AIG1: variants seen among roughly 807,000 people sequenced by gnomAD.
AIG1 encodes androgen-induced gene 1 protein.
In AIG1, 23 loss-of-function variants were observed where a neutral mutation model predicts 31.4. The ratio of observed to expected loss-of-function variants is 0.73; its 90% confidence interval spans 0.53 to 1.04. The LOEUF (loss-of-function observed/expected upper bound fraction) is 1.04. Among genes scored for constraint, AIG1 ranks in the 50% least tolerant of loss-of-function variants. The pLI, the probability that AIG1 is intolerant of heterozygous loss-of-function variation, is 0.00. For missense variants in AIG1, 274 were observed against 295.0 expected (o/e 0.93, Z 0.52); for synonymous variants, 100 against 110.5 (o/e 0.90, Z 0.60).
intron 2 of AIG1, among the ~76,000 whole-genome samples, chr6:143,148,963 G>A (rs927507155): frequency 2.0e-5 from 3 of 152,074 alleles, no homozygotes; most frequent in Non-Finnish European, 4.4e-5. Context: ...GGAGCAATAG[G>A]CTACACCATC....
chr6:143,090,830 A>T (rs1779238752), intron 1 of AIG1, among the ~76,000 whole-genome samples: 2 of 152,108 alleles, frequency 1.3e-5, no homozygotes, highest in South Asian at 4.1e-4. Context: ...CTAAAATAGG[A>T]CACCTGTGAA....
chr6:143,277,218 T>TG (rs1000997455), intron 3 of AIG1, among the ~76,000 whole-genome samples: 73 of 152,258 alleles, frequency 4.8e-4, no homozygotes, highest in African/African-American at 1.1e-3. Context: ...TTTTGTTCTA[T>TG]GGGGGGGTGA....
At chr6:143,301,634 T>C (rs962699891) in intron 4 of AIG1, among the ~76,000 whole-genome samples, 1 of 152,168 alleles carries the variant, frequency 6.6e-6, no homozygotes, top group Admixed American at 6.5e-5. Flanking sequence ...AGCAAAGGTG[T>C]GGAGAAGGCC....
At chr6:143,337,526 TCTTTA>T (rs1283792572) in intron 5 of AIG1, among the ~76,000 whole-genome samples, 1 of 152,212 alleles carries the variant, frequency 6.6e-6, no homozygotes, top group Non-Finnish European at 1.5e-5. Context: ...CTGAAATATT[TCTTTA>T]CTTAAGCTAA....
chr6:143,168,752 A>G (rs935644698), intron 3 of AIG1, among the ~76,000 whole-genome samples: 2 of 152,058 alleles, frequency 1.3e-5, no homozygotes, highest in Non-Finnish European at 2.9e-5. Flanking sequence ...ATAGTGAACC[A>G]TGATCATGCT....
intron 1 of AIG1, among the ~76,000 whole-genome samples, chr6:143,075,113 C>T (rs1007285849): frequency 6.6e-6 from 1 of 152,082 alleles, no homozygotes; most frequent in African/African-American, 2.4e-5. Flanking sequence ...TTATCTTTCT[C>T]TTATTGTCTG....
intron 3 of AIG1, among the ~76,000 whole-genome samples, chr6:143,265,332 G>A (rs1030178092): frequency 3.3e-5 from 5 of 152,166 alleles, no homozygotes; most frequent in South Asian, 4.1e-4. Flanking sequence ...TTAAATAATC[G>A]TCATGAAAGC....
At position 143,334,651 on chromosome 6, in the gene AIG1, T is replaced by C. The variant is rs1234493317; in HGVS notation, c.679+1206T>C. On this transcript the variant is annotated intron_variant, in intron 5 of 5. Coordinates refer to ENST00000357847, the MANE Select transcript of AIG1 (RefSeq NM_016108.4). This position sits in a 1 kb window ranked among gnomAD's most constrained non-coding sequence, Gnocchi z 5.1. ...CACCTGTTCAATGGAAATAGTGATC[T>C]TTCTCCATTAATTTACAGAAGTATT... Among the ~76,000 whole-genome samples, 1 of 152,242 alleles carries C rather than the reference T, an allele frequency of 6.6e-6. No homozygotes were observed. The highest frequency in any genetic ancestry group is 2.1e-4 in the South Asian group (1 of 4,832).
chr6:143,229,820 G>A (rs546594724), intron 3 of AIG1, among the ~76,000 whole-genome samples: 4 of 147,190 alleles, frequency 2.7e-5, no homozygotes, highest in East Asian at 2.0e-4. Context: ...TTTGACCAGA[G>A]TCAAGGAGGA....
chr6:143,187,877 T>C, intron 3 of AIG1: 1 of 1,395,622 alleles, frequency 7.2e-7, no homozygotes, highest in Non-Finnish European at 9.3e-7. Context: ...CGCAGCATTG[T>C]CAAAAATTAC....
chr6:143,191,040 TG>T (rs1404856964), intron 3 of AIG1, among the ~76,000 whole-genome samples: 1 of 152,168 alleles, frequency 6.6e-6, no homozygotes, highest in African/African-American at 2.4e-5. Context: ...TTGAATTTGT[TG>T]GTCTCACAAG....
chr6:143,180,053 T>C (rs1456312192), intron 3 of AIG1, among the ~76,000 whole-genome samples: 1 of 152,214 alleles, frequency 6.6e-6, no homozygotes, highest in African/African-American at 2.4e-5. Context: ...CGTCTTTCTG[T>C]CCTCAGTCCA....
intron 1 of AIG1, among the ~76,000 whole-genome samples, chr6:143,109,122 T>C (rs1201551393): frequency 3.3e-5 from 5 of 150,236 alleles, no homozygotes; most frequent in Admixed American, 2.6e-4. Context: ...TGTTTTTTTT[T>C]CCCCTAGATT....
At chr6:143,262,094 G>A (rs1189440862) in intron 3 of AIG1, among the ~76,000 whole-genome samples, 1 of 152,226 alleles carries the variant, frequency 6.6e-6, no homozygotes, top group Non-Finnish European at 1.5e-5. Context: ...TCAGCCCATG[G>A]ATGTTCAGTG....
chr6:143,247,712 T>A (rs117109196), intron 3 of AIG1, among the ~76,000 whole-genome samples: 3,827 of 152,304 alleles, frequency 0.025, 76 homozygotes, highest in Non-Finnish European at 0.037. Context: ...TTAAGAAACT[T>A]GCCTAAGAAC....
chr6:143,122,720 C>T (rs1200099992), intron 1 of AIG1, among the ~76,000 whole-genome samples: 1 of 152,096 alleles, frequency 6.6e-6, no homozygotes, highest in Non-Finnish European at 1.5e-5. Context: ...TGAGTTTTAT[C>T]TCATCCACCT....
intron 1 of AIG1, among the ~76,000 whole-genome samples, chr6:143,133,397 A>G (rs191075208): frequency 9.2e-5 from 14 of 152,208 alleles, no homozygotes; most frequent in African/African-American, 2.9e-4. Context: ...ATACATCTCT[A>G]TCCTGAATGA....
At chr6:143,135,099 A>G (rs1783613921) in intron 1 of AIG1, among the ~76,000 whole-genome samples, 1 of 152,132 alleles carries the variant, frequency 6.6e-6, no homozygotes, top group Non-Finnish European at 1.5e-5. Context: ...GTTGTTCTAC[A>G]TCTTTGTAAC....
intron 3 of AIG1, among the ~76,000 whole-genome samples, chr6:143,196,350 A>AACACACGCGC (rs1031872426): frequency 5.6e-5 from 8 of 141,636 alleles, no homozygotes; most frequent in African/African-American, 2.1e-4. Context: ...CAACAAAAGC[A>AACACACGCGC]ACACACACAC....
Sources: allele counts gnomAD v4.1 joint callset (sites outside exome capture counted in the v4.1 genomes callset), GRCh38; gene constraint gnomAD v4.1.1; non-coding constraint Gnocchi (gnomAD v3.1); transcripts MANE v1.5; gene names NCBI Gene and HGNC (gene_info 2026-07-23, HGNC 2026-07-21).